ZSCAN1: variants seen among roughly 807,000 people sequenced by gnomAD.
ZSCAN1 encodes the protein zinc finger and SCAN domain-containing protein 1.
In ZSCAN1, 23 loss-of-function variants were observed where a neutral mutation model predicts 23.8. The observed-to-expected ratio is 0.97, with a 90% CI of 0.70 to 1.37. The LOEUF (loss-of-function observed/expected upper bound fraction) is 1.37, where lower values mean the gene tolerates loss of function less well. Among genes scored for constraint, ZSCAN1 ranks in the 40% most tolerant of loss-of-function variants. ZSCAN1 has a pLI of 0.00. For synonymous variants in ZSCAN1, 236 were observed against 232.3 expected (o/e 1.02, Z -0.15); for missense variants, 575 against 554.0 (o/e 1.04, Z -0.38).
Position 58,053,765 on chromosome 19 carries a change from A to G in ZSCAN1, c.941A>G (p.His314Arg). The change falls in exon 6 of 6, where the codon CAT becomes CGT. Residue 314 changes from histidine (H) to arginine (R), a missense_variant. Physicochemically the swap from His to Arg is conservative, Grantham distance 29. Transcript: ENST00000282326. The surrounding 1 kb of genome is among the most constrained non-coding windows in gnomAD (Gnocchi z 5.8). ...CACTTCATCGAGCACCAGAAGACCC[A>G]TCGCGAGGAAGGGCCCTTTCCGTGC... ...VTHFIEHQKTHREEGPFPCPE... is the reference protein window; with the variant it reads ...VTHFIEHQKTRREEGPFPCPE... 1 of 1,613,954 alleles carries G rather than the reference A, an allele frequency of 6.2e-7. No individual in the cohort carries two copies. The highest frequency in any genetic ancestry group is 8.5e-7 in the Non-Finnish European group (1 of 1,179,996).
At chr19:58,044,259 C>G (rs909278477) in intron 4 of ZSCAN1, among the ~76,000 whole-genome samples, 2 of 151,678 alleles carry the variant, frequency 1.3e-5, no homozygotes, top group Non-Finnish European at 2.9e-5. Flanking sequence ...GCAACAGGAG[C>G]GAAACTCCGT....
intron 4 of ZSCAN1, chr19:58,046,082 CA>C (rs1380852303): frequency 4.4e-6 from 3 of 682,216 alleles, no homozygotes; most frequent in Non-Finnish European, 8.0e-6. Context: ...CCCCAAAGGC[CA>C]GGGGCCCAGC....
chr19:58,042,878 ATCC>A (rs1568603394), intron 4 of ZSCAN1, among the ~76,000 whole-genome samples: 1 of 152,154 alleles, frequency 6.6e-6, no homozygotes, highest in Non-Finnish European at 1.5e-5. Flanking sequence ...GGCTGAGAGG[ATCC>A]TCGTTGGCGC....
chr19:58,036,720 G>A (rs373718371), intron 2 of ZSCAN1, among the ~76,000 whole-genome samples: 1 of 151,042 alleles, frequency 6.6e-6, no homozygotes, highest in Non-Finnish European at 1.5e-5. Flanking sequence ...GGAATCTCAC[G>A]CTGTCACTCA....
Position 58,045,889 on chromosome 19 carries a change from G to GA in ZSCAN1, c.465+5346dup. ...CAAGTCCACACTGCAGACTCTCCCAGAGATTGTGGCAAAGGAAGCACAGGT... is the reference window on the plus strand; with the variant it reads ...CAAGTCCACACTGCAGACTCTCCCAGAAGATTGTGGCAAAGGAAGCACAGGT... On this transcript the variant is annotated intron_variant, in intron 4 of 5. Transcript: ENST00000282326. The surrounding 1 kb of genome is among the most constrained non-coding windows in gnomAD (Gnocchi z 4.3). 9.8e-7 allele frequency: 1 copy of GA among 1,018,206 alleles called. No homozygotes were observed. The highest frequency in any genetic ancestry group is 1.6e-6 in the Non-Finnish European group (1 of 637,292). The allele number at this position is 1,018,206 out of a possible 1,614,324, so 63.1% of individuals were successfully genotyped here. A position where few individuals can be genotyped will look rare whatever the true frequency, so the allele number is the denominator to read the frequency against.
chr19:58,036,632 C>T (rs1285706422), intron 2 of ZSCAN1, among the ~76,000 whole-genome samples: 1 of 151,228 alleles, frequency 6.6e-6, no homozygotes, highest in Non-Finnish European at 1.5e-5. Flanking sequence ...TCTCCTGTCT[C>T]AGCCTCCCGA....
At chr19:58,035,006 C>T (rs7259462) in intron 1 of ZSCAN1, among the ~76,000 whole-genome samples, 3,890 of 151,990 alleles carry the variant, frequency 0.026, 174 homozygotes, top group African/African-American at 0.087. Context: ...TGCCCATCCC[C>T]GCAATAGAAT....
rs1403667192 is a variant in ZSCAN1 at position 58,052,636 on chromosome 19, T to C, written c.604+8T>C. 6 of 1,587,496 alleles carry C rather than the reference T, an allele frequency of 3.8e-6. No homozygotes were observed. The highest frequency in any genetic ancestry group is 5.1e-6 in the Non-Finnish European group (6 of 1,166,796). On this transcript the variant is annotated splice_region_variant and intron_variant, in intron 5 of 5. Coordinates refer to ENST00000282326, the MANE Select transcript of ZSCAN1 (RefSeq NM_182572.4). Reference sequence around the variant, plus strand: ...GCGCCCCTGGCTTGCTGGGTGAGTCTGGCTCCTGTGTGGATTAAGGGTTGG... The same window carrying C: ...GCGCCCCTGGCTTGCTGGGTGAGTCCGGCTCCTGTGTGGATTAAGGGTTGG...
In ZSCAN1 at chr19:58,038,143, C is replaced by A; in HGVS notation, c.307C>A (p.Pro103Thr). The change falls in exon 3 of 6, where the codon CCC becomes ACC. Residue 103 changes from proline (P) to threonine (T), a missense_variant. Physicochemically the swap from Pro to Thr is conservative, Grantham distance 38. Coordinates refer to ENST00000282326, the MANE Select transcript of ZSCAN1 (RefSeq NM_182572.4). ...KMRTWVQSQG[P>T]RSCREAASLV... ...GCGGACCTGGGTGCAGTCACAGGGC[C>A]CCCGAAGCTGCAGGGAGGCCGCCAG... 6.2e-7 allele frequency: 1 copy of A among 1,609,540 alleles called. No homozygotes were observed. The highest frequency in any genetic ancestry group is 1.3e-5 in the African/African-American group (1 of 74,972).
In ZSCAN1 at chr19:58,034,502, T is replaced by C. The variant is rs781709137; in HGVS notation, c.-152+341T>C. On this transcript the variant is annotated intron_variant, in intron 1 of 5. Transcript: ENST00000282326. ...GCCGAAGCCCCTCTACGTACCCCCA[T>C]TGCCCGCCCAAACACCGCTCGGCCG... is the stretch of plus-strand genomic sequence containing the variant. Among the ~76,000 whole-genome samples, 326 of 151,968 alleles carry C rather than the reference T, an allele frequency of 2.1e-3. 3 individuals carry two copies. The highest frequency in any genetic ancestry group is 2.1e-3 in the Non-Finnish European group (145 of 67,894).
rs2073818295 is a variant in ZSCAN1 at position 58,045,348 on chromosome 19, G to A, written c.465+4804G>A. On this transcript the variant is annotated intron_variant, in intron 4 of 5. Transcript: ENST00000282326. This position sits in a 1 kb window ranked among gnomAD's most constrained non-coding sequence, Gnocchi z 4.3. ...GGAGAAGAGGCTGAAGGAGCTTCAG[G>A]TCAAGCTGGAGCTAGCCGAGTTCCT... 1 of 809,354 alleles carries A rather than the reference G, an allele frequency of 1.2e-6. No homozygotes were observed. Among genetic ancestry groups the A allele is most frequent in the African/African-American group, 1.7e-5 (1 of 59,648 alleles). 50.1% of individuals were successfully genotyped at this position (809,354 alleles called of 1,614,324 possible).
chr19:58,038,330 C>G (rs1177787851), intron 3 of ZSCAN1, 124 bp downstream of exon 3: 29 of 1,234,216 alleles, frequency 2.3e-5, no homozygotes, highest in Non-Finnish European at 3.2e-5. Context: ...ACCAGCAAAC[C>G]TCTCCTGCCC....
chr19:58,043,954 A>T (rs1423787038), intron 4 of ZSCAN1, among the ~76,000 whole-genome samples: 3 of 151,582 alleles, frequency 2.0e-5, no homozygotes, highest in Non-Finnish European at 4.4e-5. Flanking sequence ...GGCGTGAGCC[A>T]CTGTGCCTGG....
At chr19:58,050,364 G>C (rs550417236) in intron 4 of ZSCAN1, among the ~76,000 whole-genome samples, 13 of 151,560 alleles carry the variant, frequency 8.6e-5, no homozygotes, top group Non-Finnish European at 1.8e-4. Flanking sequence ...TGAACCCAGC[G>C]GGTGGAGGTT....
intron 4 of ZSCAN1, among the ~76,000 whole-genome samples, chr19:58,041,394 G>GGCCCC (rs2073788551): frequency 2.0e-5 from 3 of 152,200 alleles, no homozygotes; most frequent in Non-Finnish European, 4.4e-5. Context: ...AGAACAAAGG[G>GGCCCC]GCACACATTG....
At chr19:58,042,414 C>T (rs1003928420) in intron 4 of ZSCAN1, among the ~76,000 whole-genome samples, 3 of 151,554 alleles carry the variant, frequency 2.0e-5, no homozygotes, top group Non-Finnish European at 2.9e-5. Context: ...CCCGCCACCT[C>T]CCCGGCTAAT....
In ZSCAN1 at chr19:58,045,018, C is replaced by A; in HGVS notation, c.465+4474C>A. ...AAGGCGGCCCTGTGTACAGCGCCCC[C>A]GCAGAGATGGTGGTGAAGTCCCGGG... On this transcript the variant is annotated intron_variant, in intron 4 of 5. Transcript: ENST00000282326. This position sits in a 1 kb window ranked among gnomAD's most constrained non-coding sequence, Gnocchi z 4.3. 1 of 1,155,902 alleles carries A rather than the reference C, an allele frequency of 8.7e-7. No individual in the cohort carries two copies. Among genetic ancestry groups the A allele is most frequent in the Non-Finnish European group, 1.3e-6 (1 of 769,760 alleles). 71.6% of individuals were successfully genotyped at this position (1,155,902 alleles called of 1,614,324 possible).
chr19:58,046,408 A>C (rs2123433790), intron 4 of ZSCAN1: 1 of 873,066 alleles, frequency 1.1e-6, no homozygotes, highest in African/African-American at 1.6e-5. Context: ...GCAGCAGATA[A>C]TCGGGCAGAT....
chr19:58,038,394 G>A, intron 3 of ZSCAN1, 188 bp downstream of exon 3: 1 of 727,964 alleles, frequency 1.4e-6, no homozygotes, highest in South Asian at 1.9e-5. Flanking sequence ...CGCCTCATCT[G>A]CCTCGAATTT....
Sources: gnomAD v4.1 joint callset for allele counts (sites outside exome capture counted in the v4.1 genomes callset) on GRCh38, gnomAD v4.1.1 for gene constraint, Gnocchi (gnomAD v3.1) non-coding constraint, MANE v1.5 for transcripts, NCBI Gene and HGNC (gene_info 2026-07-23, HGNC 2026-07-21) for gene names.